NETO2: variants seen among roughly 807,000 people sequenced by gnomAD.
The protein encoded by NETO2 is neuropilin and tolloid-like protein 2.
Under a neutral mutation model 62.5 loss-of-function variants are expected in NETO2, and 28 were observed. That is an observed-to-expected ratio of 0.45 (90% confidence interval 0.33 to 0.61). The LOEUF (loss-of-function observed/expected upper bound fraction) is 0.61, where lower values mean the gene tolerates loss of function less well. NETO2 is among the 20% of genes least tolerant of loss of function. The pLI is 0.02. For missense variants in NETO2, 548 were observed against 643.2 expected (o/e 0.85, Z 1.60); for synonymous variants, 214 against 219.1 (o/e 0.98, Z 0.21).
chr16:47,139,899 C>T (rs1440742682), intron 1 of NETO2, among the ~76,000 whole-genome samples: 2 of 152,242 alleles, frequency 1.3e-5, no homozygotes, highest in Non-Finnish European at 2.9e-5. Flanking sequence ...TGTACAGTGA[C>T]TACCATCACC....
chr16:47,143,350 C>A (rs1353205852), intron 1 of NETO2, among the ~76,000 whole-genome samples: 1 of 151,996 alleles, frequency 6.6e-6, no homozygotes. Context: ...ACACGCGCCC[C>A]GCGAACGTCG....
At chr16:47,114,619 T>TTTTTGTA (rs1963872443) in intron 6 of NETO2, among the ~76,000 whole-genome samples, 1 of 151,326 alleles carries the variant, frequency 6.6e-6, no homozygotes, top group African/African-American at 2.4e-5. Flanking sequence ...CCCAACTAAT[T>TTTTTGTA]TTTTGTATTT....
In NETO2 at chr16:47,122,905, G is replaced by A; in HGVS notation, c.489C>T (p.Asp163=). 2 of 1,613,616 alleles carry A rather than the reference G, an allele frequency of 1.2e-6. No homozygotes were observed. The highest frequency in any genetic ancestry group is 8.5e-7 in the Non-Finnish European group (1 of 1,179,722). Residue 163 remains aspartate, a synonymous_variant, in exon 5 of 9, where the codon GAC becomes GAT. Transcript: ENST00000562435. ...TTAAAATACCTCCTAGGTAAGTAAA[G>A]TCTGGATCTGTAACAGAAAAAAGAA... ...RAKYSFIPDP[D]FTYLGGILNP...
chr16:47,122,518 T>C, intron 6 of NETO2, 139 bp downstream of exon 6: 1 of 905,990 alleles, frequency 1.1e-6, no homozygotes, highest in East Asian at 2.6e-5. Flanking sequence ...ATAAAGTAAG[T>C]GAAATAAAAT....
At chr16:47,094,281 T>TTTTA (rs1555496245) in intron 7 of NETO2, among the ~76,000 whole-genome samples, 2 of 151,380 alleles carry the variant, frequency 1.3e-5, no homozygotes, top group African/African-American at 4.9e-5. Context: ...TTTTTTTTTT[T>TTTTA]AATCCTTAGC....
At position 47,082,036 on chromosome 16, in the gene NETO2, TA is replaced by T. The variant is rs1448734474; in HGVS notation, c.*1184del. The stretch of plus-strand genomic sequence containing the variant: ...CTGTAGGTCTTTCATCTTGATTTAA[TA>T]AAGTTTGTACAGTATCAAATAATAT... On this transcript the variant is annotated 3_prime_UTR_variant, in exon 9 of 9. Transcript: ENST00000562435. The T allele has an allele frequency of 6.6e-6, 1 of 152,624 alleles. No individual in the cohort carries two copies. Among genetic ancestry groups the T allele is most frequent in the African/African-American group, 2.4e-5 (1 of 41,452 alleles). The allele number at this position is 152,624 out of a possible 1,614,324, so 9.5% of individuals were successfully genotyped here.
intron 1 of NETO2, 84 bp downstream of exon 1, chr16:47,143,495 A>C: frequency 8.3e-7 from 1 of 1,202,376 alleles, no homozygotes; most frequent in Non-Finnish European, 1.0e-6. Context: ...GGGCGCGGGT[A>C]AGGGACGCAG....
intron 7 of NETO2, among the ~76,000 whole-genome samples, chr16:47,092,679 C>T (rs1963337318): frequency 6.6e-6 from 1 of 152,152 alleles, no homozygotes; most frequent in Non-Finnish European, 1.5e-5. Context: ...GTGAAACAGC[C>T]TCTGCATAGT....
intron 6 of NETO2, among the ~76,000 whole-genome samples, chr16:47,115,460 A>G (rs1032017047): frequency 6.6e-6 from 1 of 151,732 alleles, no homozygotes; most frequent in Admixed American, 6.6e-5. Context: ...TGGTGGAGTA[A>G]TATTTTAAAT....
intron 2 of NETO2, 147 bp from the exon 3 acceptor site, chr16:47,129,511 T>G: frequency 1.2e-6 from 1 of 813,098 alleles, no homozygotes; most frequent in Non-Finnish European, 1.9e-6. Context: ...CACAATAAAT[T>G]GAGTACAGAA....
intron 6 of NETO2, among the ~76,000 whole-genome samples, chr16:47,120,401 T>C (rs1964011921): frequency 6.6e-6 from 1 of 152,234 alleles, no homozygotes; most frequent in Non-Finnish European, 1.5e-5. Context: ...ATAATAGCTA[T>C]ATGTATTTAT....
intron 2 of NETO2, 125 bp from the exon 3 acceptor site, chr16:47,129,489 TG>T: frequency 1.0e-6 from 1 of 957,800 alleles, no homozygotes; most frequent in Non-Finnish European, 1.6e-6. Context: ...TAAGAACCAC[TG>T]TCAAATTTAG....
At position 47,078,513 on chromosome 16, in the gene NETO2, C is replaced by T. The variant is rs1963013403; in HGVS notation, c.*4708G>A. On this transcript the variant is annotated 3_prime_UTR_variant, in exon 9 of 9. Transcript: ENST00000562435. ...TTTTAGGCTTTGGTAGTCATTAAAC[C>T]AATTGCAAAAATACATTTTTAAAAA... The T allele has an allele frequency of 6.6e-6, 1 of 152,224 alleles. No individual in the cohort carries two copies. The highest frequency in any genetic ancestry group is 3.4e-3 in the Middle Eastern group (1 of 294). 9.4% of individuals were successfully genotyped at this position (152,224 alleles called of 1,614,324 possible).
In NETO2 at chr16:47,128,585, GA is replaced by G; in HGVS notation, c.233-13del. The stretch of plus-strand genomic sequence containing the variant: ...TTGACGTGGAGCAGCTAGAAAATAA[GA>G]GTAAGCAAATCAGGACAACACAAAC... On this transcript the variant is annotated splice_polypyrimidine_tract_variant and intron_variant, in intron 3 of 8. Coordinates refer to ENST00000562435, the MANE Select transcript of NETO2 (RefSeq NM_018092.5). The G allele has an allele frequency of 6.2e-7, 1 of 1,607,464 alleles. No homozygotes were observed. The highest frequency in any genetic ancestry group is 8.5e-7 in the Non-Finnish European group (1 of 1,178,904).
chr16:47,110,883 A>T (rs993760938), intron 6 of NETO2, among the ~76,000 whole-genome samples: 1 of 152,114 alleles, frequency 6.6e-6, no homozygotes, highest in East Asian at 1.9e-4. Context: ...AAAGAATTAC[A>T]TTTTGACTAA....
chr16:47,094,833 C>A (rs1295102501), intron 7 of NETO2, among the ~76,000 whole-genome samples: 1 of 152,200 alleles, frequency 6.6e-6, no homozygotes, highest in South Asian at 2.1e-4. Flanking sequence ...ATCCTCCCAT[C>A]TCAGTCTCCT....
chr16:47,138,095 T>C (rs1964394795), intron 1 of NETO2, among the ~76,000 whole-genome samples: 1 of 152,176 alleles, frequency 6.6e-6, no homozygotes, highest in Non-Finnish European at 1.5e-5. Flanking sequence ...GGGCATTCTC[T>C]CTTTCTTTAA....
chr16:47,115,975 C>T (rs1428486384), intron 6 of NETO2, among the ~76,000 whole-genome samples: 6 of 151,610 alleles, frequency 4.0e-5, no homozygotes, highest in Non-Finnish European at 7.4e-5. Flanking sequence ...ATATAGACAA[C>T]GATATCTTCA....
Position 47,143,579 on chromosome 16 carries a change from C to G in NETO2, c.34G>C (p.Val12Leu). Residue 12 changes from valine (V) to leucine (L), a missense_variant and splice_region_variant, in exon 1 of 9, where the codon GTG becomes CTG. Transcript: ENST00000562435. ...ALERLCSVLK[V>L]LLITVLVVEG... ...CCGTGGCCCCAGCCCCGGTCCTTAC[C>G]TTTGAGGACCGAGCAGAGCCGCTCC... 2.5e-6 allele frequency: 3 copies of G among 1,223,456 alleles called. No individual in the cohort carries two copies. Among genetic ancestry groups the G allele is most frequent in the Non-Finnish European group, 3.1e-6 (3 of 978,570 alleles). 75.8% of individuals were successfully genotyped at this position (1,223,456 alleles called of 1,614,324 possible).
Sources: gnomAD v4.1 joint callset for allele counts (sites outside exome capture counted in the v4.1 genomes callset) on GRCh38, gnomAD v4.1.1 for gene constraint, MANE v1.5 for transcripts, NCBI Gene and HGNC (gene_info 2026-07-23, HGNC 2026-07-21) for gene names.